The following METTL25 variants were observed in gnomAD, a reference collection of about 807,000 sequenced individuals.
The protein encoded by METTL25 is probable methyltransferase-like protein 25.
In METTL25, 64 loss-of-function variants were observed where a neutral mutation model predicts 71.6. The observed-to-expected ratio is 0.89, with a 90% CI of 0.73 to 1.10. METTL25 has a LOEUF of 1.10. Among genes scored for constraint, METTL25 ranks in the 50% least tolerant of loss-of-function variants. METTL25 has a pLI of 0.00. For synonymous variants in METTL25, 287 were observed against 250.3 expected, an observed-to-expected ratio of 1.15 and a Z score of -1.38; for missense variants, 807 against 707.0, an observed-to-expected ratio of 1.14 and a Z score of -1.60.
intron 5 of METTL25, among the ~76,000 whole-genome samples, chr12:82,421,090 G>C (rs1345142521): frequency 6.6e-6 from 1 of 152,134 alleles, no homozygotes; most frequent in South Asian, 2.1e-4. Context: ...TTGAACTCCT[G>C]ACCTCAGGTG....
intron 1 of METTL25, among the ~76,000 whole-genome samples, chr12:82,370,103 C>T (rs911273154): frequency 6.6e-6 from 1 of 152,294 alleles, no homozygotes; most frequent in Admixed American, 6.5e-5. Flanking sequence ...AGTGACTGCT[C>T]TAGCTAATTC....
intron 8 of METTL25, among the ~76,000 whole-genome samples, chr12:82,452,805 G>T (rs540495482): frequency 2.8e-4 from 42 of 152,050 alleles, no homozygotes; most frequent in African/African-American, 9.9e-4. Flanking sequence ...TTCTGAAAAA[G>T]TCCCTTTTTT....
At chr12:82,452,034 C>T (rs563755444) in intron 8 of METTL25, among the ~76,000 whole-genome samples, 1 of 152,124 alleles carries the variant, frequency 6.6e-6, no homozygotes, top group African/African-American at 2.4e-5. Context: ...TTCTTCTAGA[C>T]TGAGCTATTG....
At chr12:82,474,338 G>A (rs1892755312) in intron 9 of METTL25, among the ~76,000 whole-genome samples, 1 of 152,206 alleles carries the variant, frequency 6.6e-6, no homozygotes, top group South Asian at 2.1e-4. Flanking sequence ...AGGTGCATCT[G>A]CACTTCCCTG....
rs146782945 is a variant in METTL25, at chr12:82,440,741, G to T, written c.1478+1950G>T. On this transcript the variant is annotated intron_variant, in intron 8 of 11. Transcript: ENST00000248306. ...TTTCAATAACATACTAAATAATTAG[G>T]ACTAACCTCACTTCTGAGGAAACAA... Among the ~76,000 whole-genome samples the T allele has an allele frequency of 5.0e-4, 76 of 152,066 alleles. 2 individuals carry two copies. In the East Asian group the frequency reaches 0.014, roughly 29 times the overall value.
intron 3 of METTL25, among the ~76,000 whole-genome samples, chr12:82,394,785 T>C (rs1006826442): frequency 6.6e-6 from 1 of 151,972 alleles, no homozygotes; most frequent in African/African-American, 2.4e-5. Flanking sequence ...AATTAAAGTT[T>C]TTGATACAGA....
chr12:82,405,818 A>G (rs149710807), intron 5 of METTL25, among the ~76,000 whole-genome samples: 179 of 152,320 alleles, frequency 1.2e-3, no homozygotes, highest in African/African-American at 4.2e-3. Flanking sequence ...TCACTTTTGT[A>G]TCTTCAGTAC....
intron 6 of METTL25, among the ~76,000 whole-genome samples, chr12:82,433,230 A>T (rs1889656217): frequency 6.6e-6 from 1 of 151,714 alleles, no homozygotes; most frequent in Admixed American, 6.6e-5. Flanking sequence ...TGGACACCAA[A>T]TCGCCTCTTT....
intron 8 of METTL25, among the ~76,000 whole-genome samples, chr12:82,452,551 A>G (rs1891221022): frequency 6.6e-6 from 1 of 152,192 alleles, no homozygotes; most frequent in Admixed American, 6.6e-5. Context: ...ATTTATCCTT[A>G]AAACTATAGA....
chr12:82,395,572 GTAGT>G (rs1334942200), intron 3 of METTL25, among the ~76,000 whole-genome samples: 1 of 152,018 alleles, frequency 6.6e-6, no homozygotes, highest in Non-Finnish European at 1.5e-5. Flanking sequence ...GCTTGGAATG[GTAGT>G]TAGATCTCTA....
chr12:82,414,684 C>T (rs1887821017), intron 5 of METTL25, among the ~76,000 whole-genome samples: 1 of 152,050 alleles, frequency 6.6e-6, no homozygotes, highest in African/African-American at 2.4e-5. Flanking sequence ...GCAAAGTTGA[C>T]AAATTCTTGT....
Position 82,438,779 on chromosome 12 carries a change from G to T in METTL25, c.1466G>T (p.Gly489Val). The change falls in exon 8 of 12, where the codon GGC (glycine) becomes GTC (valine). Residue 489 changes from glycine to valine, a missense_variant. Coordinates refer to ENST00000248306, the MANE Select transcript of METTL25 (RefSeq NM_032230.3). The stretch of plus-strand genomic sequence containing the variant: ...CAGGATATTATTAAAGATTGTTATG[G>T]CATCACCAAATGGTATGAGGATTTT... ...VLQDIIKDCY[G>V]ITKCDRHVGK... 6.7e-7 allele frequency: 1 copy of T among 1,502,186 alleles called. No individual in the cohort carries two copies. The highest frequency in any genetic ancestry group is 2.4e-5 in the East Asian group (1 of 42,246). The allele number at this position is 1,502,186 out of a possible 1,614,324, so 93.1% of individuals were successfully genotyped here. A position where few individuals can be genotyped will look rare whatever the true frequency, so the allele number is the denominator to read the frequency against.
At chr12:82,383,820 C>G (rs1884693182) in intron 1 of METTL25, among the ~76,000 whole-genome samples, 3 of 152,032 alleles carry the variant, frequency 2.0e-5, no homozygotes. Flanking sequence ...TATGACTCTT[C>G]TATCTTTGTC....
At chr12:82,441,806 A>AACACACACACACACACACACACAC (rs57098687) in intron 8 of METTL25, among the ~76,000 whole-genome samples, 20 of 133,986 alleles carry the variant, frequency 1.5e-4, no homozygotes, top group African/African-American at 3.4e-4. Flanking sequence ...AAAAAATAGA[A>AACACACACACACACACACACACAC]ACACACACAC....
intron 1 of METTL25, among the ~76,000 whole-genome samples, chr12:82,373,290 G>A (rs746120978): frequency 3.9e-5 from 6 of 152,234 alleles, no homozygotes; most frequent in Non-Finnish European, 7.4e-5. Context: ...TATCATTTCT[G>A]AAGCTCCCCA....
At chr12:82,363,893 A>C (rs1882256964) in intron 1 of METTL25, among the ~76,000 whole-genome samples, 1 of 152,212 alleles carries the variant, frequency 6.6e-6, no homozygotes, top group African/African-American at 2.4e-5. Context: ...AATTGGGCTA[A>C]CGTGTTGGAT....
rs534468446 is a variant in METTL25 at position 82,403,134 on chromosome 12, C to T, written c.1279+4C>T. Reference sequence around the variant, plus strand: ...GAATTTGAAAACCAGCATAAAGGTACAAGTTCCCCATGTGTCATAATTTTT... The same window carrying T: ...GAATTTGAAAACCAGCATAAAGGTATAAGTTCCCCATGTGTCATAATTTTT... On this transcript the variant is annotated splice_donor_region_variant and intron_variant, in intron 5 of 11. Transcript: ENST00000248306. The T allele has an allele frequency of 6.2e-7, 1 of 1,606,540 alleles. No homozygotes were observed. The highest frequency in any genetic ancestry group is 1.7e-5 in the Admixed American group (1 of 58,310).
chr12:82,412,929 AT>A (rs920716055), intron 5 of METTL25, among the ~76,000 whole-genome samples: 2 of 151,874 alleles, frequency 1.3e-5, no homozygotes, highest in Non-Finnish European at 2.9e-5. Context: ...TATTACTATA[AT>A]TTTTTTCTAA....
intron 8 of METTL25, among the ~76,000 whole-genome samples, chr12:82,443,898 A>T (rs1431656830): frequency 6.6e-6 from 1 of 152,140 alleles, no homozygotes; most frequent in African/African-American, 2.4e-5. Flanking sequence ...AACTTTTCCC[A>T]TTAGGCCCCA....
Sources: allele counts gnomAD v4.1 joint callset (sites outside exome capture counted in the v4.1 genomes callset), GRCh38; gene constraint gnomAD v4.1.1; transcripts MANE v1.5; gene names NCBI Gene and HGNC (gene_info 2026-07-23, HGNC 2026-07-21).